The following MAPK8 variants were observed in gnomAD, a reference collection of about 807,000 sequenced individuals.
MAPK8 encodes the protein mitogen-activated protein kinase 8, also known as JUN N-terminal kinase.
A neutral mutation model predicts 52.9 loss-of-function variants in MAPK8; 13 were observed. The ratio of observed to expected loss-of-function variants is 0.25; its 90% CI spans 0.16 to 0.39. The LOEUF (loss-of-function observed/expected upper bound fraction) is 0.39. Among genes scored for constraint, MAPK8 ranks in the 10% least tolerant of loss-of-function variants. The probability of loss-of-function intolerance (pLI) is 1.00; values close to 1 mark genes in which losing one functional copy is unlikely to be tolerated. For missense variants in MAPK8, 300 were observed against 519.2 expected (o/e 0.58, Z 4.10); for synonymous variants, 191 against 169.8 (o/e 1.12, Z -0.97).
intron 1 of MAPK8, among the ~76,000 whole-genome samples, chr10:48,309,157 C>T (rs947012880): frequency 2.0e-5 from 3 of 152,088 alleles, no homozygotes; most frequent in Non-Finnish European, 4.4e-5. Flanking sequence ...ACTTTGTTTT[C>T]CAAATTGTTG....
chr10:48,313,636 G>C (rs1048804215), intron 1 of MAPK8, among the ~76,000 whole-genome samples: 2 of 152,252 alleles, frequency 1.3e-5, no homozygotes, highest in Admixed American at 6.5e-5. Context: ...CTTTGCCAAT[G>C]AAGGATAGGT....
At chr10:48,344,027 C>T (rs1286373338) in intron 1 of MAPK8, among the ~76,000 whole-genome samples, 1 of 152,144 alleles carries the variant, frequency 6.6e-6, no homozygotes, top group Non-Finnish European at 1.5e-5. Flanking sequence ...CTACTGCTTA[C>T]CCCGTGAACA....
At chr10:48,311,890 C>T (rs1187489830) in intron 1 of MAPK8, among the ~76,000 whole-genome samples, 1 of 152,200 alleles carries the variant, frequency 6.6e-6, no homozygotes, top group African/African-American at 2.4e-5. Flanking sequence ...GCAGTATTTA[C>T]TGAGCATTGC....
intron 1 of MAPK8, among the ~76,000 whole-genome samples, chr10:48,321,204 C>G (rs1480855862): frequency 6.8e-6 from 1 of 147,528 alleles, no homozygotes; most frequent in African/African-American, 2.5e-5. Flanking sequence ...CACAAATGAT[C>G]CTCCCTCCCC....
intron 1 of MAPK8, among the ~76,000 whole-genome samples, chr10:48,373,138 G>A (rs1318197301): frequency 6.6e-6 from 1 of 152,040 alleles, no homozygotes; most frequent in African/African-American, 2.4e-5. Flanking sequence ...GCCAAACTAA[G>A]CTTAATAAAC....
chr10:48,415,186 C>T (rs1388640208), intron 5 of MAPK8, among the ~76,000 whole-genome samples: 1 of 152,082 alleles, frequency 6.6e-6, no homozygotes, highest in African/African-American at 2.4e-5. Context: ...TTTTATCTTC[C>T]TGAGCCCCTA....
intron 1 of MAPK8, among the ~76,000 whole-genome samples, chr10:48,345,732 A>G (rs904870861): frequency 6.6e-6 from 1 of 152,214 alleles, no homozygotes; most frequent in Non-Finnish European, 1.5e-5. Flanking sequence ...CCCAGATAAT[A>G]TCACAGTAAA....
chr10:48,409,543 T>G (rs1469801311), intron 3 of MAPK8, among the ~76,000 whole-genome samples: 1 of 151,964 alleles, frequency 6.6e-6, no homozygotes, highest in Non-Finnish European at 1.5e-5. Flanking sequence ...TATATAGAGA[T>G]ACTGAATTGG....
intron 1 of MAPK8, among the ~76,000 whole-genome samples, chr10:48,395,548 A>T (rs552000965): frequency 1.3e-5 from 2 of 152,236 alleles, no homozygotes; most frequent in East Asian, 3.9e-4. Flanking sequence ...GCTGTACATC[A>T]TCCAAATTAA....
intron 1 of MAPK8, among the ~76,000 whole-genome samples, chr10:48,344,157 A>G (rs922140448): frequency 2.6e-5 from 4 of 152,228 alleles, no homozygotes; most frequent in Non-Finnish European, 1.5e-5. Context: ...TTCACTCTTA[A>G]TTATGGGTCC....
chr10:48,390,354 G>A (rs936339448), intron 1 of MAPK8, among the ~76,000 whole-genome samples: 3 of 152,122 alleles, frequency 2.0e-5, no homozygotes, highest in African/African-American at 4.8e-5. Context: ...CTGTGTCCTA[G>A]GCAAGTTGAT....
chr10:48,420,428 A>G, intron 6 of MAPK8, 108 bp downstream of exon 6: 3 of 1,067,724 alleles, frequency 2.8e-6, no homozygotes, highest in Middle Eastern at 2.2e-4. Context: ...TTAAATGTGT[A>G]TCATTGTTTG....
rs564675535 is a variant in MAPK8, at chr10:48,333,476, T to C, written c.-50+26655T>C. On this transcript the variant is annotated intron_variant, in intron 1 of 11. Coordinates refer to ENST00000374189, the MANE Select transcript of MAPK8 (RefSeq NM_001323329.2). The stretch of plus-strand genomic sequence containing the variant: ...CAGCAGGTTGCCTTTTCCCACCCCA[T>C]ATTTGAGTGAGCACTCCAAGGGCCA... Among the ~76,000 whole-genome samples, 3 of 152,292 alleles carry C rather than the reference T, an allele frequency of 2.0e-5. No homozygotes were observed. In the East Asian group the frequency reaches 5.8e-4, roughly 29 times the overall value.
chr10:48,337,994 C>G (rs544011852), intron 1 of MAPK8, among the ~76,000 whole-genome samples: 1 of 152,200 alleles, frequency 6.6e-6, no homozygotes. Context: ...CAAAAGGATT[C>G]ATAGCCAGAT....
chr10:48,361,689 G>A (rs1028763098), intron 1 of MAPK8, among the ~76,000 whole-genome samples: 6 of 152,086 alleles, frequency 3.9e-5, no homozygotes, highest in Admixed American at 1.3e-4. Flanking sequence ...CCTGATGACC[G>A]TTGTGCATTT....
In MAPK8 at chr10:48,380,732, T is replaced by TA. The variant is rs201737642; in HGVS notation, c.-49-20872dup. ...TGGGCGACAGAGCAGGGCTCCCATCTAAAAAAAATAAATAAATAAATGTAA... is the reference window on the plus strand; with the variant it reads ...TGGGCGACAGAGCAGGGCTCCCATCTAAAAAAAAATAAATAAATAAATGTAA... On this transcript the variant is annotated intron_variant, in intron 1 of 11. Coordinates refer to ENST00000374189, the MANE Select transcript of MAPK8 (RefSeq NM_001323329.2). Among the ~76,000 whole-genome samples the TA allele has an allele frequency of 6.4e-4, 98 of 152,050 alleles. 1 individual carries two copies. In the East Asian group the frequency reaches 0.017, roughly 26 times the overall value.
chr10:48,422,865 AC>A (rs199838686), intron 6 of MAPK8, among the ~76,000 whole-genome samples: 1,752 of 152,314 alleles, frequency 0.012, 18 homozygotes, highest in Non-Finnish European at 0.018. Flanking sequence ...TCTTCAGTGA[AC>A]TGGCAGCCTT....
intron 1 of MAPK8, among the ~76,000 whole-genome samples, chr10:48,322,650 T>C (rs1400969963): frequency 6.6e-6 from 1 of 151,588 alleles, no homozygotes; most frequent in Non-Finnish European, 1.5e-5. Flanking sequence ...CCCTCACACT[T>C]TCTTGGGCCC....
chr10:48,370,932 A>G (rs537819205), intron 1 of MAPK8, among the ~76,000 whole-genome samples: 8 of 152,218 alleles, frequency 5.3e-5, no homozygotes, highest in South Asian at 2.1e-4. Flanking sequence ...CTTAGACGCT[A>G]TGTACATTTA....
Sources: gnomAD v4.1 joint callset for allele counts (sites outside exome capture counted in the v4.1 genomes callset) on GRCh38, gnomAD v4.1.1 for gene constraint, MANE v1.5 for transcripts, NCBI Gene and HGNC (gene_info 2026-07-23, HGNC 2026-07-21) for gene names.